The following CLIP1 variants were observed in gnomAD, a reference collection of about 807,000 sequenced individuals.
CLIP1 encodes CAP-Gly domain containing linker protein 1.
Under a neutral mutation model 161.6 loss-of-function variants are expected in CLIP1, and 66 were observed. The ratio of observed to expected loss-of-function variants is 0.41; its 90% CI spans 0.33 to 0.50. CLIP1 has a LOEUF of 0.50. Among genes scored for constraint, CLIP1 ranks in the 20% least tolerant of loss-of-function variants. The pLI is 0.27. For synonymous variants in CLIP1, 598 were observed against 626.2 expected, an observed-to-expected ratio of 0.96 and a Z score of 0.67; for missense variants, 1,376 against 1,702.0, an observed-to-expected ratio of 0.81 and a Z score of 3.37.
In CLIP1 at chr12:122,355,561, C is replaced by T; in HGVS notation, c.1006-249G>A. On this transcript the variant is annotated intron_variant, in intron 5 of 25. Coordinates refer to ENST00000620786, the MANE Select transcript of CLIP1 (RefSeq NM_001247997.2). This position sits in a 1 kb window ranked among gnomAD's most constrained non-coding sequence, Gnocchi z 4.1. ...CGGTGGCTCATGCCTGTAATCCTAG[C>T]ACTTCAGGAGGCCAAGGCGGGTGGA... 1 of 446,212 alleles carries T rather than the reference C, an allele frequency of 2.2e-6. No homozygotes were observed. The highest frequency in any genetic ancestry group is 2.5e-5 in the South Asian group (1 of 40,424). 27.6% of individuals were successfully genotyped at this position (446,212 alleles called of 1,614,324 possible).
At chr12:122,397,058 C>A (rs921614516) in intron 1 of CLIP1, among the ~76,000 whole-genome samples, 4 of 146,144 alleles carry the variant, frequency 2.7e-5, no homozygotes, top group Non-Finnish European at 5.9e-5. Flanking sequence ...GGATTACAGG[C>A]GTAAGCCACC....
At chr12:122,420,663 C>T (rs977450719) in intron 1 of CLIP1, among the ~76,000 whole-genome samples, 18 of 151,852 alleles carry the variant, frequency 1.2e-4, no homozygotes, top group African/African-American at 1.7e-4. Flanking sequence ...GGGCCAGGTG[C>T]GGTAGTTCAC....
intron 24 of CLIP1, chr12:122,274,606 C>CT: frequency 6.6e-6 from 1 of 151,178 alleles, no homozygotes. Flanking sequence ...GTGGCAGGAT[C>CT]TCGGCTCACT....
chr12:122,373,249 A>G (rs1954542454), intron 3 of CLIP1, among the ~76,000 whole-genome samples: 1 of 151,936 alleles, frequency 6.6e-6, no homozygotes, highest in Non-Finnish European at 1.5e-5. Flanking sequence ...ACATGACAAA[A>G]CCCCATCTCT....
chr12:122,313,071 A>G (rs1036097550), intron 19 of CLIP1, among the ~76,000 whole-genome samples: 2 of 152,096 alleles, frequency 1.3e-5, no homozygotes, highest in African/African-American at 4.8e-5. Flanking sequence ...GGCTTTTTCA[A>G]CCTACTCCCC....
At chr12:122,298,540 G>A (rs181119139) in intron 20 of CLIP1, among the ~76,000 whole-genome samples, 46 of 149,216 alleles carry the variant, frequency 3.1e-4, no homozygotes, top group African/African-American at 1.1e-3. Flanking sequence ...TGAGGCAGAG[G>A]TTGCTGAGAT....
intron 4 of CLIP1, among the ~76,000 whole-genome samples, chr12:122,362,645 A>G (rs1953913515): frequency 7.1e-6 from 1 of 141,196 alleles, no homozygotes; most frequent in South Asian, 2.3e-4. Context: ...ATCTCAAAAA[A>G]AAAAAAAAAA....
At chr12:122,354,595 G>C in intron 6 of CLIP1, 39 bp from the exon 7 acceptor site, 1 of 1,527,016 alleles carries the variant, frequency 6.5e-7, no homozygotes, top group Non-Finnish European at 9.1e-7. Context: ...GACTATTTCT[G>C]ACCCAGATAC....
At chr12:122,373,228 T>C (rs1954542121) in intron 3 of CLIP1, among the ~76,000 whole-genome samples, 1 of 152,020 alleles carries the variant, frequency 6.6e-6, no homozygotes, top group Non-Finnish European at 1.5e-5. Flanking sequence ...AGTTCAAGAC[T>C]AGCTTGGGCA....
chr12:122,297,285 A>G (rs59743902), intron 20 of CLIP1, among the ~76,000 whole-genome samples: 15,279 of 152,200 alleles, frequency 0.1, 2,491 homozygotes, highest in African/African-American at 0.35. Flanking sequence ...TTAGAAGTCC[A>G]TAGTCATGAC....
At chr12:122,351,220 T>G in intron 8 of CLIP1, 77 bp from the exon 9 acceptor site, 2 of 868,542 alleles carry the variant, frequency 2.3e-6, no homozygotes, top group South Asian at 2.2e-5. Flanking sequence ...GTGTTAGGGT[T>G]TCAAGATAAC....
intron 1 of CLIP1, 113 bp from the exon 2 acceptor site, chr12:122,380,671 G>C (rs550583714): frequency 2.6e-4 from 93 of 363,194 alleles, no homozygotes; most frequent in African/African-American, 1.9e-3. Context: ...CCATCTCCAG[G>C]CTGAACCTAG....
chr12:122,344,953 G>A (rs530562483), intron 10 of CLIP1, among the ~76,000 whole-genome samples: 1 of 151,564 alleles, frequency 6.6e-6, no homozygotes, highest in South Asian at 2.1e-4. Context: ...TGAAATACTT[G>A]GATAAACCAT....
chr12:122,326,297 A>C (rs1042040811), intron 17 of CLIP1, among the ~76,000 whole-genome samples: 1 of 152,184 alleles, frequency 6.6e-6, no homozygotes, highest in Non-Finnish European at 1.5e-5. Context: ...GCACCTTGTG[A>C]GACTGGCCAG....
chr12:122,413,441 T>C (rs1243293559), intron 1 of CLIP1, among the ~76,000 whole-genome samples: 1 of 152,196 alleles, frequency 6.6e-6, no homozygotes, highest in Non-Finnish European at 1.5e-5. Context: ...TCGGAGAAGA[T>C]ATTATAAATC....
At chr12:122,421,685 G>A (rs1176085289) in intron 1 of CLIP1, among the ~76,000 whole-genome samples, 1 of 152,182 alleles carries the variant, frequency 6.6e-6, no homozygotes, top group African/African-American at 2.4e-5. Flanking sequence ...CAGGGAGGAG[G>A]GGGTGGCGCT....
intron 9 of CLIP1, among the ~76,000 whole-genome samples, chr12:122,349,065 CCTAA>C (rs764490438): frequency 1.3e-5 from 2 of 152,096 alleles, no homozygotes; most frequent in Non-Finnish European, 2.9e-5. Context: ...CAATTCAAGC[CCTAA>C]CTGTCTGGAT....
chr12:122,303,294 A>C (rs1417886831), intron 20 of CLIP1, among the ~76,000 whole-genome samples: 1 of 151,902 alleles, frequency 6.6e-6, no homozygotes, highest in African/African-American at 2.4e-5. Context: ...CTGGCTCTTG[A>C]TGTTCCGTTC....
chr12:122,314,580 C>T (rs772556809), intron 19 of CLIP1, among the ~76,000 whole-genome samples: 7 of 152,200 alleles, frequency 4.6e-5, no homozygotes, highest in South Asian at 2.1e-4. Context: ...GGCCCTGCCC[C>T]TCCATCACCT....
Sources: allele counts gnomAD v4.1 joint callset (sites outside exome capture counted in the v4.1 genomes callset), GRCh38; gene constraint gnomAD v4.1.1; non-coding constraint Gnocchi (gnomAD v3.1); transcripts MANE v1.5; gene names NCBI Gene and HGNC (gene_info 2026-07-23, HGNC 2026-07-21).